Variants in MCF2L2 observed in about 807,000 individuals in gnomAD.
MCF2L2 encodes MCF.2 cell line derived transforming sequence-like 2, also known as probable guanine nucleotide exchange factor MCF2L2.
In MCF2L2, 102 loss-of-function variants were observed where a neutral mutation model predicts 150.2. That is an observed-to-expected ratio of 0.68 (90% CI 0.58 to 0.80). The LOEUF (loss-of-function observed/expected upper bound fraction) is 0.80. Among genes scored for constraint, MCF2L2 ranks in the 30% least tolerant of loss-of-function variants. The pLI, the probability that MCF2L2 is intolerant of heterozygous loss-of-function variation, is 0.00. For synonymous variants in MCF2L2, 465 were observed against 491.3 expected, an observed-to-expected ratio of 0.95 and a Z score of 0.71; for missense variants, 1,256 against 1,372.8, an observed-to-expected ratio of 0.91 and a Z score of 1.34.
intron 3 of MCF2L2, chr3:183,373,788 T>C (rs1713025274): frequency 6.6e-6 from 1 of 152,170 alleles, no homozygotes; most frequent in Non-Finnish European, 1.5e-5. Context: ...ACCATTGTCT[T>C]AGCATGGCTT....
chr3:183,257,231 A>C (rs1414142866), intron 15 of MCF2L2, among the ~76,000 whole-genome samples: 1 of 152,214 alleles, frequency 6.6e-6, no homozygotes, highest in Admixed American at 6.5e-5. Flanking sequence ...AGACAAGTCG[A>C]GCTCATGTGA....
chr3:183,296,848 G>A (rs935427938), intron 12 of MCF2L2, 128 bp downstream of exon 12: 28 of 1,031,760 alleles, frequency 2.7e-5, no homozygotes, highest in Admixed American at 8.7e-5. Flanking sequence ...GGAGGGCTTC[G>A]GAACCAGTGA....
chr3:183,229,105 C>T (rs1319563387), intron 17 of MCF2L2, among the ~76,000 whole-genome samples: 1 of 152,142 alleles, frequency 6.6e-6, no homozygotes, highest in Admixed American at 6.5e-5. Flanking sequence ...TTGGGGTCAT[C>T]ATAGCGAATA....
intron 20 of MCF2L2, among the ~76,000 whole-genome samples, chr3:183,220,305 A>C (rs1476653929): frequency 1.3e-5 from 2 of 152,224 alleles, no homozygotes; most frequent in Non-Finnish European, 2.9e-5. Flanking sequence ...TTTTTCTAAA[A>C]TATGGGCTTT....
chr3:183,197,957 A>ACTTG lies in MCF2L2; in HGVS notation c.2885-2703_2885-2702insCAAG, dbSNP rs1417881264. Among the ~76,000 whole-genome samples the ACTTG allele has an allele frequency of 6.6e-6, 1 of 152,238 alleles. No individual in the cohort carries two copies. Among genetic ancestry groups the ACTTG allele is most frequent in the Non-Finnish European group, 1.5e-5 (1 of 68,044 alleles). ...CAAGTATTGGTGAGGACATGGCACA[A>ACTTG]GTGGAACTCTCATACATTACTATGG... is the stretch of plus-strand genomic sequence containing the variant. On this transcript the variant is annotated intron_variant, in intron 25 of 29. Transcript: ENST00000328913. This position sits in a 1 kb window ranked among gnomAD's most constrained non-coding sequence, Gnocchi z 4.5.
intron 1 of MCF2L2, among the ~76,000 whole-genome samples, chr3:183,406,845 A>AT (rs1715069708): frequency 6.6e-6 from 1 of 152,036 alleles, no homozygotes; most frequent in African/African-American, 2.4e-5. Context: ...TCTTAACAGT[A>AT]TTTTTTGCAG....
chr3:183,294,627 A>AT (rs1728371295), intron 13 of MCF2L2, among the ~76,000 whole-genome samples: 4 of 127,606 alleles, frequency 3.1e-5, no homozygotes, highest in African/African-American at 1.3e-4. Context: ...ATATATATAT[A>AT]TATATATTTT....
chr3:183,273,765 C>A (rs2108453793), intron 15 of MCF2L2, among the ~76,000 whole-genome samples: 1 of 152,284 alleles, frequency 6.6e-6, no homozygotes, highest in South Asian at 2.1e-4. Flanking sequence ...CATTGTCTTA[C>A]AATTGCCTGC....
intron 15 of MCF2L2, among the ~76,000 whole-genome samples, chr3:183,234,444 G>C (rs1222865820): frequency 6.6e-6 from 1 of 152,136 alleles, no homozygotes. Flanking sequence ...CTGGATTACA[G>C]TTTGGAAAAA....
chr3:183,232,494 T>A lies in MCF2L2; in HGVS notation c.1863-1477A>T, dbSNP rs187664344. Among the ~76,000 whole-genome samples, 666 of 152,346 alleles carry A rather than the reference T, an allele frequency of 4.4e-3. 2 individuals carry two copies. Among genetic ancestry groups the A allele is most frequent in the Non-Finnish European group, 7.4e-3 (505 of 68,034 alleles). On this transcript the variant is annotated intron_variant, in intron 15 of 29. Coordinates refer to ENST00000328913, the MANE Select transcript of MCF2L2 (RefSeq NM_015078.4). ...TCTCTCCTCAGGCTACGTGGCCATA[T>A]TTATTATTTCTTTTAGGAGTCCAAG...
Position 183,207,612 on chromosome 3 carries a change from A to C in MCF2L2, c.2708T>G (p.Met903Arg), listed in dbSNP as rs773090121. Residue 903 changes from methionine to arginine, a missense_variant, in exon 23 of 30, where the codon ATG becomes AGG. Transcript: ENST00000328913. Reference sequence around the variant, plus strand: ...ATGCAATAGGACTCCCTTTACCTTCATGGTCTTCTTGAAGCTGTAATGAGG... The same window carrying C: ...ATGCAATAGGACTCCCTTTACCTTCCTGGTCTTCTTGAAGCTGTAATGAGG... ...LSPHYSFKKT[M>R]KLMTLSIRQL... 1 of 1,612,346 alleles carries C rather than the reference A, an allele frequency of 6.2e-7. No homozygotes were observed. Among genetic ancestry groups the C allele is most frequent in the Non-Finnish European group, 8.5e-7 (1 of 1,178,428 alleles).
chr3:183,423,488 T>C (rs1237709011), intron 1 of MCF2L2, among the ~76,000 whole-genome samples: 1 of 152,116 alleles, frequency 6.6e-6, no homozygotes, highest in Non-Finnish European at 1.5e-5. Context: ...GCCAAACATA[T>C]GAAGTCATTT....
chr3:183,189,018 C>T (rs574277100), intron 27 of MCF2L2, among the ~76,000 whole-genome samples: 4 of 152,234 alleles, frequency 2.6e-5, no homozygotes, highest in African/African-American at 9.6e-5. Context: ...ACTTTCTAAC[C>T]TGAAGGGGTC....
chr3:183,343,390 A>G (rs1323867313), intron 3 of MCF2L2, among the ~76,000 whole-genome samples: 1 of 139,214 alleles, frequency 7.2e-6, no homozygotes, highest in Non-Finnish European at 1.5e-5. Flanking sequence ...TTTTTTTTTG[A>G]GACGGAGTCT....
At chr3:183,346,965 G>A (rs980188112) in intron 3 of MCF2L2, among the ~76,000 whole-genome samples, 2 of 152,134 alleles carry the variant, frequency 1.3e-5, no homozygotes, top group African/African-American at 4.8e-5. Flanking sequence ...TCAATATCAT[G>A]AAAATGGCCA....
chr3:183,310,839 C>T (rs1729340504), intron 9 of MCF2L2, 76 bp downstream of exon 9: 4 of 960,022 alleles, frequency 4.2e-6, no homozygotes, highest in Non-Finnish European at 6.5e-6. Context: ...AACCCCATAC[C>T]AAAGAGTGAG....
chr3:183,314,310 A>G (rs755110704), intron 7 of MCF2L2, among the ~76,000 whole-genome samples: 14 of 152,206 alleles, frequency 9.2e-5, no homozygotes, highest in Non-Finnish European at 1.8e-4. Context: ...CTTTAAAGTC[A>G]TCAGTTTGCT....
At chr3:183,417,877 G>T (rs1001514997) in intron 1 of MCF2L2, among the ~76,000 whole-genome samples, 1 of 152,154 alleles carries the variant, frequency 6.6e-6, no homozygotes, top group African/African-American at 2.4e-5. Context: ...GGGAGAGAGA[G>T]GGTGCAGTGG....
chr3:183,193,096 G>A lies in MCF2L2; in HGVS notation c.2919C>T (p.Ser973=). 1 of 1,612,728 alleles carries A rather than the reference G, an allele frequency of 6.2e-7. No homozygotes were observed. Among genetic ancestry groups the A allele is most frequent in the Non-Finnish European group, 8.5e-7 (1 of 1,178,858 alleles). The change falls in exon 27 of 30, where the codon AGC becomes AGT. Residue 973 remains serine, a splice_region_variant and synonymous_variant. Transcript: ENST00000328913. The part of the protein sequence containing the change: ...QGNPQFEMST[S]KGSGAGSGPW... ...GTCCGGATCCTGCTCCACTGCCTTT[G>A]CTTTAGAGAAATAAACATGAATATT...
Sources: allele counts gnomAD v4.1 joint callset (sites outside exome capture counted in the v4.1 genomes callset), GRCh38; gene constraint gnomAD v4.1.1; non-coding constraint Gnocchi (gnomAD v3.1); transcripts MANE v1.5; gene names NCBI Gene and HGNC (gene_info 2026-07-23, HGNC 2026-07-21).